The following ACTN2 variants were observed in gnomAD, a reference collection of about 807,000 sequenced individuals.
ACTN2 encodes the protein actinin alpha 2, also known as alpha-actinin-2.
ACTN2 carries 39 observed loss-of-function variants against 113.8 expected under a neutral mutation model. The ratio of observed to expected loss-of-function variants is 0.34; its 90% CI spans 0.27 to 0.45. The LOEUF is 0.45. Among genes scored for constraint, ACTN2 ranks in the 20% least tolerant of loss-of-function variants. The pLI is 1.00. For missense variants in ACTN2, 992 were observed against 1,177.9 expected (o/e 0.84, Z 2.31); for synonymous variants, 429 against 444.1 (o/e 0.97, Z 0.43).
intron 4 of ACTN2, among the ~76,000 whole-genome samples, chr1:236,723,842 C>T (rs1480626847): frequency 2.0e-5 from 3 of 151,968 alleles, no homozygotes; most frequent in African/African-American, 7.3e-5. Context: ...ATGGAAGGCC[C>T]CATGTTAGTT....
intron 17 of ACTN2, 63 bp from the exon 18 acceptor site, chr1:236,757,423 A>C: frequency 6.2e-7 from 1 of 1,605,402 alleles, no homozygotes; most frequent in Admixed American, 1.7e-5. Context: ...TTATGAAAGT[A>C]AAGAGGCAGA....
chr1:236,696,435 A>G (rs1015172109), intron 1 of ACTN2, among the ~76,000 whole-genome samples: 3 of 152,136 alleles, frequency 2.0e-5, no homozygotes, highest in South Asian at 2.1e-4. Context: ...AAGAAATCCT[A>G]TCTTCTAAAG....
intron 1 of ACTN2, among the ~76,000 whole-genome samples, chr1:236,694,220 CTT>C (rs540449597): frequency 8.2e-5 from 11 of 134,382 alleles, no homozygotes; most frequent in Non-Finnish European, 8.1e-5. Flanking sequence ...TTTTTCTTTT[CTT>C]TTTTTTTTTT....
chr1:236,711,707 C>T (rs1658032165), intron 1 of ACTN2, among the ~76,000 whole-genome samples: 1 of 152,182 alleles, frequency 6.6e-6, no homozygotes, highest in Non-Finnish European at 1.5e-5. Context: ...GGCTTCCCAT[C>T]TCGGTCTTCT....
At chr1:236,716,592 AG>A (rs1315363532) in intron 1 of ACTN2, among the ~76,000 whole-genome samples, 5 of 152,166 alleles carry the variant, frequency 3.3e-5, no homozygotes, top group African/African-American at 9.7e-5. Flanking sequence ...GGTTGAATAT[AG>A]TCACCTTTGA....
At chr1:236,703,084 G>A (rs941095431) in intron 1 of ACTN2, among the ~76,000 whole-genome samples, 5 of 152,276 alleles carry the variant, frequency 3.3e-5, no homozygotes, top group African/African-American at 1.2e-4. Context: ...AATGAGGAAA[G>A]TACAATAAAT....
intron 1 of ACTN2, among the ~76,000 whole-genome samples, chr1:236,709,334 A>G (rs1423427303): frequency 7.3e-6 from 1 of 137,580 alleles, no homozygotes; most frequent in Non-Finnish European, 1.5e-5. Context: ...ATACATGTAT[A>G]TATATACGTG....
At chr1:236,745,135 A>G (rs1265854840) in intron 12 of ACTN2, among the ~76,000 whole-genome samples, 1 of 152,104 alleles carries the variant, frequency 6.6e-6, no homozygotes, top group Non-Finnish European at 1.5e-5. Context: ...CATAAAACCA[A>G]GCAAAACAGA....
Position 236,742,960 on chromosome 1 carries a change from A to G in ACTN2, c.1172A>G (p.Asn391Ser), listed in dbSNP as rs547711260. The G allele has an allele frequency of 1.5e-5, 24 of 1,614,178 alleles. No homozygotes were observed. The East Asian group carries it at 3.3e-4, about 22-fold the overall frequency. The change falls in exon 11 of 21, where the codon AAT (asparagine) becomes AGT (serine). Residue 391 changes from asparagine (N) to serine (S), a missense_variant. This residue lies in a region of ACTN2 where 736 missense variants were observed against 815.4 expected (regional missense o/e 0.90). Coordinates refer to ENST00000366578, the MANE Select transcript of ACTN2 (RefSeq NM_001103.4). ...AEKGYEEWLL[N>S]EIRRLERLEH... is the part of the protein sequence containing the mutation. ...AAGGGTTACGAGGAGTGGTTGCTCA[A>G]TGAGATTCGGAGACTGGAGCGCTTG...
intron 1 of ACTN2, among the ~76,000 whole-genome samples, chr1:236,708,021 A>G (rs369044127): frequency 3.3e-5 from 5 of 151,596 alleles, no homozygotes; most frequent in African/African-American, 1.2e-4. Flanking sequence ...ATCATAATGC[A>G]TTTCTTGGGG....
At chr1:236,721,015 G>GGGTTTT in intron 4 of ACTN2, among the ~76,000 whole-genome samples, 4 of 49,136 alleles carry the variant, frequency 8.1e-5, no homozygotes, top group Non-Finnish European at 1.0e-4. Context: ...TCTGGTTTTT[G>GGGTTTT]TTTTTTGTTT....
Position 236,747,772 on chromosome 1 carries a change from A to G in ACTN2, c.1512A>G (p.Leu504=), listed in dbSNP as rs2102934725. 3 of 1,612,046 alleles carry G rather than the reference A, an allele frequency of 1.9e-6. No homozygotes were observed. Among genetic ancestry groups the G allele is most frequent in the East Asian group, 2.2e-5 (1 of 44,874 alleles). ...GTLTQKRREA[L]ERMEKLLETI... ...TTACTCAGAAGAGGAGAGAAGCCCT[A>G]GAGGTGAAGTATTGAAGCCACTTGT... The change falls in exon 13 of 21, where the codon CTA becomes CTG. Residue 504 remains leucine (L), a synonymous_variant. Transcript: ENST00000366578.
At chr1:236,735,412 T>C (rs527881255) in intron 7 of ACTN2, among the ~76,000 whole-genome samples, 8 of 152,296 alleles carry the variant, frequency 5.3e-5, no homozygotes, top group Admixed American at 3.3e-4. Context: ...AGCCCTCAGT[T>C]TGATCCTTAA....
rs1353655609 is a variant in ACTN2, at chr1:236,763,394, G to A, written c.*775G>A. The stretch of plus-strand genomic sequence containing the variant: ...AATGAGGTTTTTAGGATTATTTATT[G>A]ATTCCAGGTTCCCATGCTTTTTGTT... On this transcript the variant is annotated 3_prime_UTR_variant, in exon 21 of 21. Coordinates refer to ENST00000366578, the MANE Select transcript of ACTN2 (RefSeq NM_001103.4). The A allele has an allele frequency of 2.6e-5, 4 of 152,636 alleles. No homozygotes were observed. The highest frequency in any genetic ancestry group is 6.5e-5 in the Admixed American group (1 of 15,316). The allele number at this position is 152,636 out of a possible 1,614,324, so 9.5% of individuals were successfully genotyped here.
chr1:236,735,599 T>TGTGC, intron 7 of ACTN2, 36 bp from the exon 8 acceptor site: 1 of 1,523,412 alleles, frequency 6.6e-7, no homozygotes, highest in East Asian at 2.3e-5. Context: ...GGTGTGTGTG[T>TGTGC]GTGCGCGCGT....
intron 1 of ACTN2, among the ~76,000 whole-genome samples, chr1:236,709,230 A>ATATG (rs1379475984): frequency 3.2e-5 from 2 of 61,916 alleles, no homozygotes; most frequent in Non-Finnish European, 8.3e-5. Context: ...GTATATATAT[A>ATATG]TATATATATA....
chr1:236,709,308 G>T (rs1250155079), intron 1 of ACTN2, among the ~76,000 whole-genome samples: 1 of 95,212 alleles, frequency 1.1e-5, no homozygotes, highest in Non-Finnish European at 2.2e-5. Flanking sequence ...GTATATATAC[G>T]TATATATGTA....
At chr1:236,712,255 C>A (rs1658049344) in intron 1 of ACTN2, among the ~76,000 whole-genome samples, 1 of 152,070 alleles carries the variant, frequency 6.6e-6, no homozygotes, top group Non-Finnish European at 1.5e-5. Flanking sequence ...TCTCCCTAGG[C>A]AATGGTAATT....
chr1:236,710,979 TCAGGAATATAA>T (rs1658008848), intron 1 of ACTN2, among the ~76,000 whole-genome samples: 1 of 152,198 alleles, frequency 6.6e-6, no homozygotes, highest in Non-Finnish European at 1.5e-5. Context: ...TAGATCATGT[TCAGGAATATAA>T]TGGAGGCAGA....
Sources: gnomAD v4.1 joint callset for allele counts (sites outside exome capture counted in the v4.1 genomes callset) on GRCh38, gnomAD v4.1.1 for gene constraint, gnomAD v4.1.1 regional missense constraint, MANE v1.5 for transcripts, NCBI Gene and HGNC (gene_info 2026-07-23, HGNC 2026-07-21) for gene names.